Variants in OCA2 observed in about 807,000 individuals in gnomAD.
OCA2 encodes OCA2 melanosomal transmembrane protein.
OCA2 carries 77 observed loss-of-function variants against 100.2 expected under a neutral mutation model. That is an observed-to-expected ratio of 0.77 (90% confidence interval 0.64 to 0.93). The LOEUF (loss-of-function observed/expected upper bound fraction) is 0.93, where lower values mean the gene tolerates loss of function less well. OCA2 is among the 40% of genes least tolerant of loss of function. OCA2 has a pLI of 0.00. For synonymous variants in OCA2, 432 were observed against 439.2 expected, an observed-to-expected ratio of 0.98 and a Z score of 0.21; for missense variants, 1,062 against 1,089.1, an observed-to-expected ratio of 0.98 and a Z score of 0.35.
chr15:27,992,922 A>G (rs1244866220), intron 9 of OCA2, among the ~76,000 whole-genome samples: 2 of 152,180 alleles, frequency 1.3e-5, no homozygotes, highest in Admixed American at 1.3e-4. Context: ...CAGGTGTTCA[A>G]GACCGGCCTG....
intron 19 of OCA2, among the ~76,000 whole-genome samples, chr15:27,905,504 G>A (rs1179996094): frequency 6.6e-6 from 1 of 152,238 alleles, no homozygotes; most frequent in Admixed American, 6.5e-5. Flanking sequence ...AACGGGCCAG[G>A]GGGAACTGGG....
Position 28,016,144 on chromosome 15 carries a change from C to T in OCA2, c.850G>A (p.Glu284Lys). ...WTVYLNPRRS[E>K]HSVMSRTFEV... ...AAGGTCCTGCTCATCACTGAGTGCT[C>T]GCTTCTCCTCGGATTTAAATACACC... Residue 284 changes from glutamate (E) to lysine (K), a missense_variant, in exon 8 of 24, where the codon GAG becomes AAG. Coordinates refer to ENST00000354638, the MANE Select transcript of OCA2 (RefSeq NM_000275.3). 3.7e-6 allele frequency: 6 copies of T among 1,614,152 alleles called. No individual in the cohort carries two copies. The highest frequency in any genetic ancestry group is 1.1e-5 in the South Asian group (1 of 91,080).
chr15:27,936,837 CTGCG>C (rs1048414650), intron 18 of OCA2, among the ~76,000 whole-genome samples: 1 of 152,206 alleles, frequency 6.6e-6, no homozygotes, highest in Non-Finnish European at 1.5e-5. Flanking sequence ...CTGGAAGCTT[CTGCG>C]TGGTTTCCAA....
At chr15:28,036,441 G>A (rs2043047716) in intron 2 of OCA2, among the ~76,000 whole-genome samples, 1 of 152,184 alleles carries the variant, frequency 6.6e-6, no homozygotes, top group African/African-American at 2.4e-5. Context: ...TATCAGCCAT[G>A]TTTAAAATCC....
At chr15:27,832,830 A>ATTTTT (rs112415796) in intron 23 of OCA2, among the ~76,000 whole-genome samples, 3,313 of 135,644 alleles carry the variant, frequency 0.024, 126 homozygotes, top group Admixed American at 0.037. Flanking sequence ...TAAATATCTG[A>ATTTTT]TTTTTTTTTT....
intron 23 of OCA2, among the ~76,000 whole-genome samples, chr15:27,822,245 A>C (rs1007640063): frequency 5.3e-5 from 8 of 152,230 alleles, no homozygotes; most frequent in Non-Finnish European, 1.0e-4. Flanking sequence ...CTAACAGCAC[A>C]GATCAGTTTT....
At chr15:27,749,205 C>G in the OCA2 span, among the ~76,000 whole-genome samples, 2 of 152,092 alleles carry the variant, frequency 1.3e-5, no homozygotes, top group African/African-American at 4.8e-5. Flanking sequence ...AAAAGAAATT[C>G]CTGAAAGCAG....
chr15:27,985,488 G>A (rs985156959), intron 12 of OCA2, among the ~76,000 whole-genome samples: 4 of 152,114 alleles, frequency 2.6e-5, no homozygotes, highest in South Asian at 2.1e-4. Flanking sequence ...TAATGCCATC[G>A]GTATTCTGGT....
intron 23 of OCA2, among the ~76,000 whole-genome samples, chr15:27,831,365 C>G (rs2034950349): frequency 6.6e-6 from 1 of 151,404 alleles, no homozygotes; most frequent in South Asian, 2.1e-4. Context: ...TAATGGAGCT[C>G]CAGCAAAGTA....
At chr15:27,944,079 T>C (rs1244513460) in intron 18 of OCA2, among the ~76,000 whole-genome samples, 2 of 152,222 alleles carry the variant, frequency 1.3e-5, no homozygotes, top group African/African-American at 4.8e-5. Context: ...ACCTTGACTA[T>C]GGAAATTATC....
chr15:28,096,876 G>A (rs1349505730), intron 1 of OCA2, among the ~76,000 whole-genome samples: 2 of 145,904 alleles, frequency 1.4e-5, no homozygotes, highest in Non-Finnish European at 1.5e-5. Flanking sequence ...CAGGCCAGGC[G>A]CACCTCTCGG....
chr15:27,781,714 A>ATT (rs1430792524), intron 23 of OCA2, among the ~76,000 whole-genome samples: 2 of 152,220 alleles, frequency 1.3e-5, no homozygotes, highest in East Asian at 3.8e-4. Context: ...CATATGGTAA[A>ATT]TACCAGAAAG....
chr15:28,008,919 C>A (rs2042160465), intron 9 of OCA2, among the ~76,000 whole-genome samples: 1 of 152,220 alleles, frequency 6.6e-6, no homozygotes, highest in Admixed American at 6.5e-5. Context: ...AGTGGCACAG[C>A]CTAAGCATGC....
chr15:27,794,905 G>A (rs2033260444), intron 23 of OCA2, among the ~76,000 whole-genome samples: 1 of 152,116 alleles, frequency 6.6e-6, no homozygotes, highest in African/African-American at 2.4e-5. Flanking sequence ...TCAATCTCTG[G>A]TTCTTTTCAG....
the OCA2 span, among the ~76,000 whole-genome samples, chr15:27,721,484 G>T: frequency 6.6e-6 from 1 of 152,176 alleles, no homozygotes; most frequent in Non-Finnish European, 1.5e-5. Flanking sequence ...ATTAAAAATA[G>T]AATTATATCA....
At chr15:27,743,045 G>A in the OCA2 span, among the ~76,000 whole-genome samples, 1 of 152,180 alleles carries the variant, frequency 6.6e-6, no homozygotes, top group Non-Finnish European at 1.5e-5. Context: ...CATTCCGCAA[G>A]GCTCCATTGG....
At chr15:27,861,702 T>C (rs1273956936) in intron 21 of OCA2, among the ~76,000 whole-genome samples, 2 of 151,986 alleles carry the variant, frequency 1.3e-5, no homozygotes, top group African/African-American at 4.8e-5. Flanking sequence ...ACTATGTCCA[T>C]GGATTATGGA....
intron 18 of OCA2, among the ~76,000 whole-genome samples, chr15:27,937,215 C>T (rs1005633413): frequency 2.0e-5 from 3 of 152,162 alleles, no homozygotes; most frequent in Admixed American, 6.5e-5. Context: ...TTTTGGCCAA[C>T]ACATTTGTGA....
At chr15:28,052,049 C>G (rs1295715041) in intron 2 of OCA2, among the ~76,000 whole-genome samples, 2 of 152,152 alleles carry the variant, frequency 1.3e-5, no homozygotes, top group South Asian at 2.1e-4. Flanking sequence ...AGTGACCCCC[C>G]TCAGGAACCA....
Sources: gnomAD v4.1 joint callset for allele counts (sites outside exome capture counted in the v4.1 genomes callset) on GRCh38, gnomAD v4.1.1 for gene constraint, MANE v1.5 for transcripts, NCBI Gene and HGNC (gene_info 2026-07-23, HGNC 2026-07-21) for gene names.